The following CC2D2B variants were observed in gnomAD, a reference collection of about 807,000 sequenced individuals.
CC2D2B encodes coiled-coil and C2 domain containing 2B, also known as protein CC2D2B.
In CC2D2B, 128 loss-of-function variants were observed where a neutral mutation model predicts 161.2. That is an observed-to-expected ratio of 0.79 (90% CI 0.69 to 0.92). The LOEUF (loss-of-function observed/expected upper bound fraction) is 0.92, where lower values mean the gene tolerates loss of function less well. CC2D2B is among the 40% of genes least tolerant of loss of function. The pLI is 0.00. For synonymous variants in CC2D2B, 391 were observed against 449.8 expected, an observed-to-expected ratio of 0.87 and a Z score of 1.65; for missense variants, 1,173 against 1,375.1, an observed-to-expected ratio of 0.85 and a Z score of 2.32.
At chr10:95,951,670 A>AT (rs1003435613) in intron 10 of CC2D2B, among the ~76,000 whole-genome samples, 1 of 152,082 alleles carries the variant, frequency 6.6e-6, no homozygotes, top group African/African-American at 2.4e-5. Context: ...GCTTTATAGA[A>AT]TTTTTTCCCA....
Position 95,962,026 on chromosome 10 carries a change from C to T in CC2D2B, c.1250+57C>T, listed in dbSNP as rs2076777470. On this transcript the variant is annotated intron_variant, in intron 12 of 34. Coordinates refer to ENST00000646931, the MANE Select transcript of CC2D2B (RefSeq NM_001349008.3). The stretch of plus-strand genomic sequence containing the variant: ...CTCCTGAGGAACTTCTCATGAATAA[C>T]TGGAAATTCACAGTGACTAGGAAGA... The T allele has an allele frequency of 2.5e-6, 3 of 1,196,082 alleles. No individual in the cohort carries two copies. The African/African-American group carries it at 4.7e-5, about 19-fold the overall frequency. 74.1% of individuals were successfully genotyped at this position (1,196,082 alleles called of 1,614,324 possible).
At position 96,009,849 on chromosome 10, in the gene CC2D2B, G is replaced by A; in HGVS notation, c.2971G>A (p.Gly991Ser). The A allele has an allele frequency of 6.3e-7, 1 of 1,598,074 alleles. No individual in the cohort carries two copies. Among genetic ancestry groups the A allele is most frequent in the Non-Finnish European group, 8.6e-7 (1 of 1,168,762 alleles). ...HEDHCLKSCS[G>S]HSYIRKNWLG... is the part of the protein sequence containing the mutation. ...GGATCACTGTCTCAAGAGCTGTAGT[G>A]GTCACTCATATATAAGAAAGAATTG... The change falls in exon 26 of 35, where the codon GGT (glycine) becomes AGT (serine). Residue 991 changes from glycine to serine, a missense_variant. This residue lies in a region of CC2D2B where 598 missense variants were observed against 693.2 expected (regional missense o/e 0.86). Coordinates refer to ENST00000646931, the MANE Select transcript of CC2D2B (RefSeq NM_001349008.3).
At chr10:95,967,308 C>T (rs189075871) in intron 14 of CC2D2B, among the ~76,000 whole-genome samples, 10 of 152,084 alleles carry the variant, frequency 6.6e-5, no homozygotes, top group Admixed American at 5.9e-4. Flanking sequence ...ATACAGGAGC[C>T]ATAAAATGAA....
intron 9 of CC2D2B, among the ~76,000 whole-genome samples, chr10:95,947,754 T>TAA (rs571836060): frequency 7.5e-6 from 1 of 133,324 alleles, no homozygotes; most frequent in East Asian, 2.2e-4. Context: ...TCTCAAGAAA[T>TAA]AAAAAAAAAA....
Position 96,028,160 on chromosome 10 carries a change from C to T in CC2D2B, c.4125+771C>T, listed in dbSNP as rs557579503. Among the ~76,000 whole-genome samples, 3 of 152,090 alleles carry T rather than the reference C, an allele frequency of 2.0e-5. No homozygotes were observed. The South Asian group carries it at 6.2e-4, about 32-fold the overall frequency. ...GGGATCACATCAAGTTAAAAACCTTCGGCACAGCAAAGGAAGCAATCAACA... is the reference window on the plus strand; with the variant it reads ...GGGATCACATCAAGTTAAAAACCTTTGGCACAGCAAAGGAAGCAATCAACA... On this transcript the variant is annotated intron_variant, in intron 34 of 34. Transcript: ENST00000646931.
chr10:95,927,212 A>G (rs1377729080), intron 5 of CC2D2B, 25 bp from the exon 6 acceptor site: 1 of 1,323,028 alleles, frequency 7.6e-7, no homozygotes, highest in Non-Finnish European at 1.1e-6. Context: ...TGTTTATTTC[A>G]ACACTAAATA....
In CC2D2B at chr10:96,004,611, C is replaced by A. The variant is rs535694549; in HGVS notation, c.2946+363C>A. Among the ~76,000 whole-genome samples the A allele has an allele frequency of 9.2e-5, 14 of 152,258 alleles. No homozygotes were observed. In the East Asian group the frequency reaches 2.5e-3, roughly 27 times the overall value. On this transcript the variant is annotated intron_variant, in intron 25 of 34. Transcript: ENST00000646931. ...GATCAAAGAAAATATACCACTCCTGCAAAAGAGATCAAATTATTCCTAAGG... is the reference window on the plus strand; with the variant it reads ...GATCAAAGAAAATATACCACTCCTGAAAAAGAGATCAAATTATTCCTAAGG...
chr10:95,936,673 G>C (rs2075831927), intron 6 of CC2D2B, among the ~76,000 whole-genome samples: 1 of 152,184 alleles, frequency 6.6e-6, no homozygotes, highest in South Asian at 2.1e-4. Flanking sequence ...GTGAGGAACA[G>C]TTGAGCAGGT....
chr10:95,956,818 T>C (rs2076581625), intron 11 of CC2D2B, among the ~76,000 whole-genome samples: 1 of 152,238 alleles, frequency 6.6e-6, no homozygotes, highest in South Asian at 2.1e-4. Context: ...TAATACCCAC[T>C]ACAATGTAAA....
chr10:95,936,057 C>CA (rs1197451602), intron 6 of CC2D2B, among the ~76,000 whole-genome samples: 1 of 152,164 alleles, frequency 6.6e-6, no homozygotes, highest in African/African-American at 2.4e-5. Flanking sequence ...GGCTTTTCTG[C>CA]AAAAACAAAA....
In CC2D2B at chr10:96,019,313, A is replaced by G; in HGVS notation, c.3741A>G (p.Val1247=). Residue 1247 remains valine (V), a synonymous_variant, in exon 31 of 35, where the codon GTA becomes GTG. Transcript: ENST00000646931. The stretch of plus-strand genomic sequence containing the variant: ...ACCCGTTTTGTCCCTTAAAAAGTGT[A>G]GATTGTTTGTTTGATGATAGAAATG... ...QFDPFCPLKS[V]DCLFDDRNVW... is the part of the protein sequence containing the mutation. 6.2e-7 allele frequency: 1 copy of G among 1,610,576 alleles called. No homozygotes were observed. The highest frequency in any genetic ancestry group is 1.3e-5 in the African/African-American group (1 of 74,802).
chr10:95,924,457 T>C (rs2098534453), intron 4 of CC2D2B, 67 bp downstream of exon 4: 1 of 895,304 alleles, frequency 1.1e-6, no homozygotes. Context: ...CACAATCAAG[T>C]TTTCTTTGTC....
chr10:95,986,056 C>T (rs369879704), intron 19 of CC2D2B, among the ~76,000 whole-genome samples: 85 of 152,082 alleles, frequency 5.6e-4, no homozygotes, highest in African/African-American at 1.7e-3. Flanking sequence ...AATTTCGCCC[C>T]GGCCCTGTAA....
At chr10:95,944,398 A>C (rs991649029) in intron 9 of CC2D2B, among the ~76,000 whole-genome samples, 1 of 152,192 alleles carries the variant, frequency 6.6e-6, no homozygotes, top group Admixed American at 6.5e-5. Flanking sequence ...TCACCATTAA[A>C]ATATAAAAAC....
Position 96,031,872 on chromosome 10 carries a change from A to C in CC2D2B, c.4178A>C (p.Asp1393Ala). The C allele has an allele frequency of 6.2e-7, 1 of 1,613,782 alleles. No homozygotes were observed. Among genetic ancestry groups the C allele is most frequent in the Non-Finnish European group, 8.5e-7 (1 of 1,179,728 alleles). Reference protein sequence around the residue: ...MPYIDVQSIIDAVYQTGIHSA... With the variant: ...MPYIDVQSIIAAVYQTGIHSA... Reference sequence around the variant, plus strand: ...TACATTGATGTACAGTCAATTATTGATGCTGTTTATCAAACTGGAATTCAC... The same window carrying C: ...TACATTGATGTACAGTCAATTATTGCTGCTGTTTATCAAACTGGAATTCAC... Residue 1393 changes from aspartate to alanine, a missense_variant, in exon 35 of 35, where the codon GAT becomes GCT. Asp to Ala is a moderately radical substitution (Grantham distance 126). Coordinates refer to ENST00000646931, the MANE Select transcript of CC2D2B (RefSeq NM_001349008.3).
Position 95,992,675 on chromosome 10 carries a change from A to G in CC2D2B, c.2620A>G (p.Thr874Ala). The G allele has an allele frequency of 8.1e-7, 1 of 1,234,228 alleles. No homozygotes were observed. Among genetic ancestry groups the G allele is most frequent in the Non-Finnish European group, 1.0e-6 (1 of 988,046 alleles). 76.5% of individuals were successfully genotyped at this position (1,234,228 alleles called of 1,614,324 possible). ...AATAGTGAGGGCCTATAATATTCCT[A>G]CCAGAAAAACAACAATTAATGGGTA... ...VRIVRAYNIP[T>A]RKTTINGSLD... The change falls in exon 22 of 35, where the codon ACC becomes GCC. Residue 874 changes from threonine (T) to alanine (A), a missense_variant. Coordinates refer to ENST00000646931, the MANE Select transcript of CC2D2B (RefSeq NM_001349008.3).
chr10:95,971,125 ACAC>A (rs2077112700), intron 15 of CC2D2B, among the ~76,000 whole-genome samples: 1 of 152,160 alleles, frequency 6.6e-6, no homozygotes, highest in Non-Finnish European at 1.5e-5. Context: ...GCAGTGGCTC[ACAC>A]CTGTAATCCT....
intron 24 of CC2D2B, among the ~76,000 whole-genome samples, chr10:95,999,213 T>C (rs2078362561): frequency 6.6e-6 from 1 of 152,238 alleles, no homozygotes; most frequent in Admixed American, 6.5e-5. Flanking sequence ...ATAGTTGGAA[T>C]CATACAGTAT....
At chr10:95,965,785 TTGTGTGTG>T (rs59230785) in intron 12 of CC2D2B, 103 bp from the exon 13 acceptor site, 29,914 of 344,206 alleles carry the variant, frequency 0.087, 1,908 homozygotes, top group African/African-American at 0.26. Flanking sequence ...GAGATTGGTT[TTGTGTGTG>T]TGTGTGTGTG....
Sources: gnomAD v4.1 joint callset for allele counts (sites outside exome capture counted in the v4.1 genomes callset) on GRCh38, gnomAD v4.1.1 for gene constraint, gnomAD v4.1.1 regional missense constraint, MANE v1.5 for transcripts, NCBI Gene and HGNC (gene_info 2026-07-23, HGNC 2026-07-21) for gene names.